The following ARG1 variants were observed in gnomAD, a reference collection of about 807,000 sequenced individuals.
ARG1 encodes the protein arginase 1.
ARG1 carries 20 observed loss-of-function variants against 33.0 expected under a neutral mutation model. That is an observed-to-expected ratio of 0.61 (90% confidence interval 0.43 to 0.88). ARG1 has a LOEUF of 0.88. Ranked by LOEUF, ARG1 falls within the 40% of genes least tolerant of loss-of-function variation. The pLI, the probability that ARG1 is intolerant of heterozygous loss-of-function variation, is 0.00. For missense variants in ARG1, 374 were observed against 384.7 expected, an observed-to-expected ratio of 0.97 and a Z score of 0.23; for synonymous variants, 146 against 140.6, an observed-to-expected ratio of 1.04 and a Z score of -0.27.
In ARG1 at chr6:131,584,237, AT is replaced by A. The variant is rs1416815139; in HGVS notation, c.*330del. The A allele has an allele frequency of 3.5e-6, 1 of 284,966 alleles. No individual in the cohort carries two copies. Among genetic ancestry groups the A allele is most frequent in the Non-Finnish European group, 6.7e-6 (1 of 149,676 alleles). 17.7% of individuals were successfully genotyped at this position (284,966 alleles called of 1,614,324 possible). ...CCATACATAGAGTGGGACTCTTGGAATCAGGAGACAAAGCTACCACATGTGG... is the reference window on the plus strand; with the variant it reads ...CCATACATAGAGTGGGACTCTTGGAACAGGAGACAAAGCTACCACATGTGG... On this transcript the variant is annotated 3_prime_UTR_variant, in exon 8 of 8. Coordinates refer to ENST00000368087, the MANE Select transcript of ARG1 (RefSeq NM_000045.4).
In ARG1 at chr6:131,583,434, G is replaced by C. The variant is rs182650447; in HGVS notation, c.745G>C (p.Val249Leu). 5.9e-5 allele frequency: 95 copies of C among 1,614,088 alleles called. 1 individual carries two copies. The Admixed American group carries it at 1.5e-3, about 25-fold the overall frequency. ...CACACCAGCTACTGGCACACCAGTC[G>C]TGGGAGGTCTGACATACAGAGAAGG... ...SFTPATGTPV[V>L]GGLTYREGLY... The change falls in exon 7 of 8, where the codon GTG becomes CTG. Residue 249 changes from valine (V) to leucine (L), a missense_variant. By Grantham distance (32) the Val-to-Leu change is conservative. Coordinates refer to ENST00000368087, the MANE Select transcript of ARG1 (RefSeq NM_000045.4).
At chr6:131,581,108 T>C (rs1330883541) in intron 3 of ARG1, 111 bp from the exon 4 acceptor site, 2 of 1,052,144 alleles carry the variant, frequency 1.9e-6, no homozygotes, top group Non-Finnish European at 2.9e-6. Context: ...CTATCAGAAA[T>C]ATCAGACACT....
intron 3 of ARG1, 35 bp downstream of exon 3, chr6:131,579,320 C>T: frequency 6.2e-7 from 1 of 1,609,418 alleles, no homozygotes; most frequent in Non-Finnish European, 8.5e-7. Flanking sequence ...GGGAATCTGG[C>T]ACAAAGGAAG....
chr6:131,574,246 G>GT, intron 1 of ARG1: 1 of 1,612,330 alleles, frequency 6.2e-7, no homozygotes, highest in Non-Finnish European at 8.5e-7. Flanking sequence ...TCTGGGCAGC[G>GT]TTTTGCTTCC....
In ARG1 at chr6:131,579,097, C is replaced by A; in HGVS notation, c.131-14C>A. 1.9e-6 allele frequency: 3 copies of A among 1,613,742 alleles called. No individual in the cohort carries two copies. Among genetic ancestry groups the A allele is most frequent in the Non-Finnish European group, 2.5e-6 (3 of 1,179,784 alleles). On this transcript the variant is annotated splice_polypyrimidine_tract_variant and intron_variant, in intron 2 of 7. Coordinates refer to ENST00000368087, the MANE Select transcript of ARG1 (RefSeq NM_000045.4). ...TACTTTTTAATTTAGTAACTCAAAA[C>A]TTTTTAATTTTAGAGTGTGATGTGA...
rs553833088 is a variant in ARG1, at chr6:131,584,263, G to C, written c.*355G>C. 31 of 272,284 alleles carry C rather than the reference G, an allele frequency of 1.1e-4. No homozygotes were observed. The highest frequency in any genetic ancestry group is 6.6e-4 in the African/African-American group (29 of 43,982). 16.9% of individuals were successfully genotyped at this position (272,284 alleles called of 1,614,324 possible). ...TCAGGAGACAAAGCTACCACATGTG[G>C]AAAGGTACTATGTGTCCATGTCATT... On this transcript the variant is annotated 3_prime_UTR_variant, in exon 8 of 8. Transcript: ENST00000368087.
rs191761957 is a variant in ARG1 at position 131,577,942 on chromosome 6, C to T, written c.131-1169C>T. Among the ~76,000 whole-genome samples, 8 of 148,642 alleles carry T rather than the reference C, an allele frequency of 5.4e-5. No homozygotes were observed. In the East Asian group the frequency reaches 1.4e-3, roughly 26 times the overall value. ...AAAAGAAAAAGGAATGGACCGCAAA[C>T]ACAGGCAAAAACATGGTAGATCTCA... On this transcript the variant is annotated intron_variant, in intron 2 of 7. Transcript: ENST00000368087.
intron 1 of ARG1, 91 bp downstream of exon 1, chr6:131,573,430 A>G: frequency 1.6e-6 from 2 of 1,228,568 alleles, no homozygotes; most frequent in Non-Finnish European, 2.4e-6. Flanking sequence ...TAGTTAGTTC[A>G]GTTTTCTGAT....
At chr6:131,579,957 T>A (rs1773836162) in intron 3 of ARG1, among the ~76,000 whole-genome samples, 1 of 152,170 alleles carries the variant, frequency 6.6e-6, no homozygotes, top group South Asian at 2.1e-4. Context: ...ATCATAAGCA[T>A]CAGTTTTTTA....
chr6:131,574,120 C>T (rs1585393490), intron 1 of ARG1: 1 of 782,556 alleles, frequency 1.3e-6, no homozygotes, highest in Non-Finnish European at 2.2e-6. Flanking sequence ...TGACAGAACA[C>T]CTTAGACTTC....
intron 4 of ARG1, 131 bp downstream of exon 4, chr6:131,581,509 T>A: frequency 9.0e-7 from 1 of 1,107,130 alleles, no homozygotes; most frequent in Non-Finnish European, 1.3e-6. Context: ...CTGCAGCCAA[T>A]AAGCAAAGGG....
chr6:131,576,324 T>C (rs1323184332), intron 1 of ARG1, among the ~76,000 whole-genome samples: 1 of 152,228 alleles, frequency 6.6e-6, no homozygotes, highest in East Asian at 1.9e-4. Context: ...TTGCACAAAC[T>C]ACTTGTTCAC....
In ARG1 at chr6:131,576,676, T is replaced by C. The variant is rs767211950; in HGVS notation, c.71T>C (p.Val24Ala). The C allele has an allele frequency of 1.2e-6, 2 of 1,613,770 alleles. No homozygotes were observed. Among genetic ancestry groups the C allele is most frequent in the South Asian group, 2.2e-5 (2 of 91,074 alleles). ...TTAATTGTTCAGCCACGAGGAGGGG[T>C]GGAAGAAGGCCCTACAGTATTGAGA... is the stretch of plus-strand genomic sequence containing the variant. ...PFSKGQPRGG[V>A]EEGPTVLRKA... Residue 24 changes from valine to alanine, a missense_variant, in exon 2 of 8, where the codon GTG becomes GCG. By Grantham distance (64) the Val-to-Ala change is moderately conservative (BLOSUM62 0). Coordinates refer to ENST00000368087, the MANE Select transcript of ARG1 (RefSeq NM_000045.4).
chr6:131,581,564 A>G (rs1350931592), intron 4 of ARG1, among the ~76,000 whole-genome samples, 186 bp downstream of exon 4: 1 of 152,182 alleles, frequency 6.6e-6, no homozygotes, highest in Non-Finnish European at 1.5e-5. Flanking sequence ...TGCCTTGCAA[A>G]CTGACTTAAT....
intron 1 of ARG1, among the ~76,000 whole-genome samples, chr6:131,573,707 G>A (rs913791805): frequency 6.6e-6 from 1 of 152,162 alleles, no homozygotes; most frequent in Admixed American, 6.5e-5. Context: ...GAGGAAGAGA[G>A]AATTTTAAGA....
intron 3 of ARG1, among the ~76,000 whole-genome samples, chr6:131,580,205 C>T (rs1212043051): frequency 1.3e-5 from 2 of 152,186 alleles, no homozygotes; most frequent in Non-Finnish European, 2.9e-5. Context: ...TTCAGGTCTC[C>T]TTGGCTTCCT....
chr6:131,578,599 T>C (rs1294532388), intron 2 of ARG1, among the ~76,000 whole-genome samples: 2 of 152,180 alleles, frequency 1.3e-5, no homozygotes, highest in African/African-American at 2.4e-5. Flanking sequence ...AATACCACTA[T>C]GAGGCAGGTT....
chr6:131,582,435 G>C (rs1024536694), intron 4 of ARG1, among the ~76,000 whole-genome samples, 186 bp from the exon 5 acceptor site: 10 of 152,120 alleles, frequency 6.6e-5, no homozygotes, highest in African/African-American at 2.4e-4. Flanking sequence ...CTGGTTCAAG[G>C]CAAAGTCAAA....
In ARG1 at chr6:131,583,687, A is replaced by G. The variant is rs1774056246; in HGVS notation, c.803-55A>G. The G allele has an allele frequency of 2.5e-6, 4 of 1,581,788 alleles. No homozygotes were observed. In the South Asian group the frequency reaches 4.5e-5, roughly 18 times the overall value. ...ATAATCTTTCAAGTCTGTCTGTACT[A>G]CTTTCAAAATGTCAACTATTTTATA... On this transcript the variant is annotated intron_variant, in intron 7 of 7. Coordinates refer to ENST00000368087, the MANE Select transcript of ARG1 (RefSeq NM_000045.4).
Sources: gnomAD v4.1 joint callset for allele counts (sites outside exome capture counted in the v4.1 genomes callset) on GRCh38, gnomAD v4.1.1 for gene constraint, MANE v1.5 for transcripts, NCBI Gene and HGNC (gene_info 2026-07-23, HGNC 2026-07-21) for gene names.